Variants in PCDH15 observed in about 807,000 individuals in gnomAD.
PCDH15 encodes the protein protocadherin related 15.
A neutral mutation model predicts 178.5 loss-of-function variants in PCDH15; 129 were observed. The ratio of observed to expected loss-of-function variants is 0.72; its 90% CI spans 0.63 to 0.84. The LOEUF (loss-of-function observed/expected upper bound fraction) is 0.84, where lower values mean the gene tolerates loss of function less well. Among genes scored for constraint, PCDH15 ranks in the 40% least tolerant of loss-of-function variants. The probability of loss-of-function intolerance (pLI) is 0.00; values close to 1 mark genes in which losing one functional copy is unlikely to be tolerated. For missense variants in PCDH15, 2,230 were observed against 2,099.9 expected, an observed-to-expected ratio of 1.06 and a Z score of -1.21; for synonymous variants, 800 against 732.0, an observed-to-expected ratio of 1.09 and a Z score of -1.50.
chr10:54,285,870 G>T (rs548026033), intron 8 of PCDH15, among the ~76,000 whole-genome samples: 11 of 152,150 alleles, frequency 7.2e-5, no homozygotes, highest in Admixed American at 6.5e-4. Flanking sequence ...ATACACAATG[G>T]AATACCATTC....
chr10:54,072,116 T>C (rs972942427), intron 17 of PCDH15, among the ~76,000 whole-genome samples: 3 of 152,100 alleles, frequency 2.0e-5, no homozygotes, highest in Non-Finnish European at 4.4e-5. Flanking sequence ...GAAATGTTAT[T>C]TATAGAACAC....
At chr10:55,083,370 AT>A (rs1463902422) in intron 2 of PCDH15, among the ~76,000 whole-genome samples, 1 of 151,906 alleles carries the variant, frequency 6.6e-6, no homozygotes, top group Admixed American at 6.6e-5. Context: ...TTATTTTATA[AT>A]TTAAAAAAGC....
At chr10:55,599,433 A>G (rs899276142) in intron 2 of PCDH15, 2 of 152,360 alleles carry the variant, frequency 1.3e-5, no homozygotes, top group African/African-American at 4.8e-5. Flanking sequence ...AGATTTTACC[A>G]CCATAATTGG....
intron 2 of PCDH15, among the ~76,000 whole-genome samples, chr10:55,478,718 A>G (rs1283560786): frequency 2.0e-5 from 3 of 151,234 alleles, no homozygotes; most frequent in African/African-American, 7.2e-5. Flanking sequence ...TGGGCTTTTA[A>G]GAGCTAAAAA....
At chr10:54,518,102 G>A (rs1404069555) in intron 3 of PCDH15, among the ~76,000 whole-genome samples, 2 of 152,110 alleles carry the variant, frequency 1.3e-5, no homozygotes, top group Non-Finnish European at 2.9e-5. Context: ...GCCCAAAAGA[G>A]AAAGCAGGAA....
At position 55,024,483 on chromosome 10, in the gene PCDH15, A is replaced by G. The variant is rs1384232269; in HGVS notation, c.-79-126983T>C. On this transcript the variant is annotated intron_variant, in intron 2 of 5. Transcript: ENST00000458638. ...CACACATATATATATACACACACACATATATAATCTTTTTCTGATTCAGAT... is the reference window on the plus strand; with the variant it reads ...CACACATATATATATACACACACACGTATATAATCTTTTTCTGATTCAGAT... Among the ~76,000 whole-genome samples, 12 of 150,772 alleles carry G rather than the reference A, an allele frequency of 8.0e-5. No individual in the cohort carries two copies. The Middle Eastern group carries it at 0.01, about 131-fold the overall frequency.
intron 1 of PCDH15, among the ~76,000 whole-genome samples, chr10:55,318,927 T>C (rs977068415): frequency 1.3e-5 from 2 of 152,122 alleles, no homozygotes; most frequent in African/African-American, 4.8e-5. Flanking sequence ...GCACATAACA[T>C]AGGTTTTGGA....
intron 2 of PCDH15, among the ~76,000 whole-genome samples, chr10:54,648,224 C>T (rs2094175708): frequency 6.6e-6 from 1 of 152,016 alleles, no homozygotes; most frequent in African/African-American, 2.4e-5. Flanking sequence ...ACACTGCACC[C>T]AACCCAGTAC....
chr10:54,976,156 G>C lies in PCDH15; in HGVS notation c.-79-78656C>G, dbSNP rs1307898036. 3.3e-5 allele frequency among the ~76,000 whole-genome samples: 5 copies of C among 152,180 alleles called. No homozygotes were observed. In the East Asian group the frequency reaches 5.8e-4, roughly 18 times the overall value. The stretch of plus-strand genomic sequence containing the variant: ...TAAATTACTAATATTGATATTTGAG[G>C]AATTAGAGTAAAAGTTGTAGAAGAT... On this transcript the variant is annotated intron_variant, in intron 2 of 5. Coordinates refer to the PCDH15 transcript ENST00000458638.
chr10:54,787,765 C>A (rs1383647290), intron 1 of PCDH15, among the ~76,000 whole-genome samples: 1 of 151,892 alleles, frequency 6.6e-6, no homozygotes, highest in Non-Finnish European at 1.5e-5. Flanking sequence ...ACTAGCAAAG[C>A]CAATGGAGAG....
chr10:55,159,506 T>TAC (rs1040361458), intron 2 of PCDH15, among the ~76,000 whole-genome samples: 7 of 148,942 alleles, frequency 4.7e-5, no homozygotes, highest in Non-Finnish European at 5.9e-5. Context: ...CACACACATA[T>TAC]ACACACACAC....
At chr10:54,284,080 T>C (rs546579290) in intron 8 of PCDH15, among the ~76,000 whole-genome samples, 1 of 152,252 alleles carries the variant, frequency 6.6e-6, no homozygotes, top group African/African-American at 2.4e-5. Context: ...ACCCATCCTT[T>C]CATCTCGGCC....
intron 3 of PCDH15, among the ~76,000 whole-genome samples, chr10:54,860,627 T>C (rs1212407237): frequency 5.9e-5 from 9 of 152,174 alleles, no homozygotes; most frequent in African/African-American, 1.7e-4. Flanking sequence ...TTGCATATAT[T>C]TTTGGTAGAA....
intron 2 of PCDH15, among the ~76,000 whole-genome samples, chr10:55,078,459 A>T (rs1462216555): frequency 6.6e-6 from 1 of 152,022 alleles, no homozygotes; most frequent in Admixed American, 6.6e-5. Context: ...TTGTATATGT[A>T]GTCACTTTAT....
At chr10:54,104,114 G>A (rs1254457157) in intron 15 of PCDH15, among the ~76,000 whole-genome samples, 1 of 152,124 alleles carries the variant, frequency 6.6e-6, no homozygotes, top group Non-Finnish European at 1.5e-5. Flanking sequence ...ACTGCCTTAG[G>A]GGAGGCCATC....
chr10:53,822,453 G>A (rs2076350785), intron 32 of PCDH15: 1 of 1,598,500 alleles, frequency 6.3e-7, no homozygotes, highest in South Asian at 1.1e-5. Flanking sequence ...AGCAGGAGGA[G>A]GAGAAGGAGG....
intron 2 of PCDH15, among the ~76,000 whole-genome samples, chr10:55,561,569 T>C (rs1007142443): frequency 7.2e-5 from 11 of 151,876 alleles, no homozygotes; most frequent in Non-Finnish European, 1.2e-4. Flanking sequence ...GATGATAAGA[T>C]GTTCCTGTTC....
At chr10:53,964,293 G>A (rs1361970595) in intron 21 of PCDH15, among the ~76,000 whole-genome samples, 1 of 151,528 alleles carries the variant, frequency 6.6e-6, no homozygotes, top group African/African-American at 2.4e-5. Flanking sequence ...GGTAGGGACT[G>A]TAGCTGAGTA....
chr10:54,459,797 A>T (rs1489930807), intron 3 of PCDH15, among the ~76,000 whole-genome samples: 1 of 152,148 alleles, frequency 6.6e-6, no homozygotes, highest in Non-Finnish European at 1.5e-5. Context: ...ACAAGTTTAA[A>T]GCAGATATAG....
Sources: gnomAD v4.1 joint callset for allele counts (sites outside exome capture counted in the v4.1 genomes callset) on GRCh38, gnomAD v4.1.1 for gene constraint, MANE v1.5 for transcripts, NCBI Gene and HGNC (gene_info 2026-07-23, HGNC 2026-07-21) for gene names.